CDC42SE2: variants seen among roughly 807,000 people sequenced by gnomAD.
CDC42SE2 encodes the protein CDC42 small effector 2.
CDC42SE2 carries 3 observed loss-of-function variants against 11.5 expected under a neutral mutation model. That is an observed-to-expected ratio of 0.26 (90% CI 0.12 to 0.67). The LOEUF is 0.67. Ranked by LOEUF, CDC42SE2 falls within the 30% of genes least tolerant of loss-of-function variation. The pLI, the probability that CDC42SE2 is intolerant of heterozygous loss-of-function variation, is 0.80. For missense variants in CDC42SE2, 82 were observed against 106.8 expected, an observed-to-expected ratio of 0.77 and a Z score of 1.02; for synonymous variants, 33 against 34.8, an observed-to-expected ratio of 0.95 and a Z score of 0.18.
At chr5:131,214,446 C>T in the CDC42SE2 span, among the ~76,000 whole-genome samples, 2 of 152,092 alleles carry the variant, frequency 1.3e-5, no homozygotes, top group South Asian at 4.2e-4. Flanking sequence ...GGGAGGAGTA[C>T]TTTGAGGGAT....
chr5:131,222,904 T>A, the CDC42SE2 span, among the ~76,000 whole-genome samples: 1 of 152,264 alleles, frequency 6.6e-6, no homozygotes, highest in African/African-American at 2.4e-5. Context: ...ACTCTGCTCC[T>A]GCTGCCAAGC....
chr5:131,339,268 AAAAAG>A (rs1758652020), intron 2 of CDC42SE2, among the ~76,000 whole-genome samples: 1 of 150,252 alleles, frequency 6.7e-6, no homozygotes, highest in Non-Finnish European at 1.5e-5. Context: ...AAAAAAAAAA[AAAAAG>A]AATGCTTTTT....
intron 2 of CDC42SE2, among the ~76,000 whole-genome samples, chr5:131,346,923 A>C (rs1561593454): frequency 1.3e-5 from 2 of 152,224 alleles, no homozygotes; most frequent in Non-Finnish European, 2.9e-5. Flanking sequence ...TAATGAAATG[A>C]AGGCAGAAAT....
At chr5:131,293,136 G>A (rs533305481) in intron 1 of CDC42SE2, among the ~76,000 whole-genome samples, 5 of 152,072 alleles carry the variant, frequency 3.3e-5, no homozygotes, top group South Asian at 2.1e-4. Context: ...AACCCGCAAC[G>A]TGATGGTAAT....
At chr5:131,294,257 G>A (rs1372591628) in intron 1 of CDC42SE2, among the ~76,000 whole-genome samples, 2 of 151,822 alleles carry the variant, frequency 1.3e-5, no homozygotes, top group Non-Finnish European at 2.9e-5. Context: ...ATCCAAATCT[G>A]GATCACACAA....
intron 1 of CDC42SE2, among the ~76,000 whole-genome samples, chr5:131,313,790 C>G (rs1757981876): frequency 6.6e-6 from 1 of 152,116 alleles, no homozygotes; most frequent in Admixed American, 6.5e-5. Flanking sequence ...TTTGATTGAT[C>G]TAGCTCTTTG....
Position 131,393,728 on chromosome 5 carries a change from T to C in CDC42SE2, c.*2637T>C, listed in dbSNP as rs1200953123. 6.6e-6 allele frequency: 1 copy of C among 152,388 alleles called. No homozygotes were observed. The highest frequency in any genetic ancestry group is 2.4e-5 in the African/African-American group (1 of 41,466). The allele number at this position is 152,388 out of a possible 1,614,324, so 9.4% of individuals were successfully genotyped here. The stretch of plus-strand genomic sequence containing the variant: ...TGACTCTTTAAATTAGTACAATTTT[T>C]CTACTTGTCATATAACTCCTGGAAC... On this transcript the variant is annotated 3_prime_UTR_variant, in exon 5 of 5. Coordinates refer to ENST00000505065, the MANE Select transcript of CDC42SE2 (RefSeq NM_001375635.1).
intron 1 of CDC42SE2, among the ~76,000 whole-genome samples, chr5:131,250,935 C>T (rs1196900397): frequency 6.6e-6 from 1 of 152,044 alleles, no homozygotes; most frequent in Non-Finnish European, 1.5e-5. Context: ...CACATGAATC[C>T]AGCATGTCAA....
At chr5:131,337,983 C>A (rs1348543839) in intron 2 of CDC42SE2, among the ~76,000 whole-genome samples, 1 of 152,244 alleles carries the variant, frequency 6.6e-6, no homozygotes, top group Non-Finnish European at 1.5e-5. Flanking sequence ...GTCCGGCACT[C>A]CCCAGTGAGA....
At chr5:131,311,080 C>T (rs1286868689) in intron 1 of CDC42SE2, among the ~76,000 whole-genome samples, 1 of 151,756 alleles carries the variant, frequency 6.6e-6, no homozygotes, top group East Asian at 1.9e-4. Context: ...CGGCTGGTAC[C>T]AGTTTTTCCT....
intron 2 of CDC42SE2, among the ~76,000 whole-genome samples, chr5:131,336,044 A>T (rs902810166): frequency 4.4e-4 from 67 of 152,156 alleles, no homozygotes; most frequent in African/African-American, 1.6e-3. Context: ...TCGTTAGTTG[A>T]TGCAGTTTCT....
chr5:131,339,426 CAT>C (rs1758655797), intron 2 of CDC42SE2, among the ~76,000 whole-genome samples: 1 of 151,898 alleles, frequency 6.6e-6, no homozygotes, highest in Admixed American at 6.6e-5. Flanking sequence ...ATCAGAAAAA[CAT>C]ATCTATTTAA....
At chr5:131,307,139 A>G (rs918402977) in intron 1 of CDC42SE2, among the ~76,000 whole-genome samples, 2 of 151,802 alleles carry the variant, frequency 1.3e-5, no homozygotes, top group African/African-American at 4.8e-5. Flanking sequence ...ATATGTATAC[A>G]TGTGCCATGC....
intron 1 of CDC42SE2, 134 bp from the exon 2 acceptor site, chr5:131,315,842 C>T (rs1758029870): frequency 1.3e-5 from 2 of 152,120 alleles, no homozygotes; most frequent in Non-Finnish European, 2.9e-5. Flanking sequence ...ATGCAGGTTG[C>T]TTAGGTTAAA....
intron 3 of CDC42SE2, among the ~76,000 whole-genome samples, chr5:131,364,297 T>C (rs549764031): frequency 0.013 from 2,023 of 152,302 alleles, 34 homozygotes; most frequent in African/African-American, 0.043. Flanking sequence ...GATTAAGTGC[T>C]GTATAGGCAC....
intron 3 of CDC42SE2, among the ~76,000 whole-genome samples, chr5:131,362,093 G>C (rs768956097): frequency 2.0e-5 from 3 of 152,100 alleles, no homozygotes; most frequent in Non-Finnish European, 2.9e-5. Flanking sequence ...GTTTGTCCGT[G>C]GGGGTGGAGC....
rs1463234928 is a variant in CDC42SE2 at position 131,268,119 on chromosome 5, A to G, written c.-455+3953A>G. ...TGCTTTGCCCCCAGGCTGGAGTGCA[A>G]TGGCGCAATCTCGGCTCACTGCAAC... is the stretch of plus-strand genomic sequence containing the variant. On this transcript the variant is annotated intron_variant, in intron 1 of 4. Transcript: ENST00000505065. Among the ~76,000 whole-genome samples the G allele has an allele frequency of 8.2e-5, 11 of 134,076 alleles. No individual in the cohort carries two copies. The East Asian group carries it at 8.3e-4, about 10-fold the overall frequency. 88.0% of individuals were successfully genotyped at this position (134,076 alleles called of 152,430 possible). A position where few individuals can be genotyped will look rare whatever the true frequency, so the allele number is the denominator to read the frequency against.
At chr5:131,214,489 G>A in the CDC42SE2 span, among the ~76,000 whole-genome samples, 1 of 151,924 alleles carries the variant, frequency 6.6e-6, no homozygotes, top group South Asian at 2.1e-4. Flanking sequence ...GCTCTATGTA[G>A]CCTTTTTTTT....
rs796344410 is a variant in CDC42SE2 at position 131,329,920 on chromosome 5, A to G, written c.-286+13776A>G. 6.4e-3 allele frequency among the ~76,000 whole-genome samples: 914 copies of G among 141,884 alleles called. 14 individuals carry two copies. Among genetic ancestry groups the G allele is most frequent in the African/African-American group, 0.023 (853 of 36,742 alleles). 93.1% of individuals were successfully genotyped at this position (141,884 alleles called of 152,430 possible). ...AAAAAAAAAAAAAAAAAAAAAAAAA[A>G]AAGAAGAAGCGCTCCAGTTATCTAT... On this transcript the variant is annotated intron_variant, in intron 2 of 4. Coordinates refer to ENST00000505065, the MANE Select transcript of CDC42SE2 (RefSeq NM_001375635.1).
Sources: allele counts gnomAD v4.1 joint callset (sites outside exome capture counted in the v4.1 genomes callset), GRCh38; gene constraint gnomAD v4.1.1; transcripts MANE v1.5; gene names NCBI Gene and HGNC (gene_info 2026-07-23, HGNC 2026-07-21).